Variants in TRERF1 observed in about 807,000 individuals in gnomAD.
TRERF1 encodes the protein transcriptional regulating factor 1.
Under a neutral mutation model 122.9 loss-of-function variants are expected in TRERF1, and 27 were observed. The observed-to-expected ratio is 0.22, with a 90% confidence interval of 0.16 to 0.30. The LOEUF (loss-of-function observed/expected upper bound fraction) is 0.30, where lower values mean the gene tolerates loss of function less well. Among genes scored for constraint, TRERF1 ranks in the 10% least tolerant of loss-of-function variants. The probability of loss-of-function intolerance (pLI) is 1.00; values close to 1 mark genes in which losing one functional copy is unlikely to be tolerated. For synonymous variants in TRERF1, 636 were observed against 641.7 expected (o/e 0.99, Z 0.13); for missense variants, 1,248 against 1,560.3 (o/e 0.80, Z 3.37).
At chr6:42,401,871 G>A (rs1296284103) in intron 2 of TRERF1, among the ~76,000 whole-genome samples, 1 of 152,162 alleles carries the variant, frequency 6.6e-6, no homozygotes, top group Non-Finnish European at 1.5e-5. Context: ...TTCTTGAAAA[G>A]AAAACCACCA....
intron 4 of TRERF1, among the ~76,000 whole-genome samples, chr6:42,290,489 G>A (rs1582846992): frequency 6.6e-6 from 1 of 152,052 alleles, no homozygotes; most frequent in Non-Finnish European, 1.5e-5. Flanking sequence ...CCAAGTGTGT[G>A]AGCACACACA....
At chr6:42,302,173 G>GA (rs1213294273) in intron 3 of TRERF1, among the ~76,000 whole-genome samples, 1 of 152,128 alleles carries the variant, frequency 6.6e-6, no homozygotes, top group African/African-American at 2.4e-5. Context: ...GGACATTTCA[G>GA]AAAATAAATC....
chr6:42,250,078 C>T (rs1170822778), intron 13 of TRERF1, among the ~76,000 whole-genome samples: 1 of 152,236 alleles, frequency 6.6e-6, no homozygotes, highest in Admixed American at 6.5e-5. Context: ...GCCACTTACT[C>T]CTTCTGTGAA....
intron 2 of TRERF1, among the ~76,000 whole-genome samples, chr6:42,436,113 A>T (rs566995217): frequency 5.3e-5 from 8 of 152,362 alleles, no homozygotes; most frequent in Non-Finnish European, 1.0e-4. Flanking sequence ...TCACGCCTGT[A>T]ATTCCAGCAC....
intron 12 of TRERF1, 125 bp downstream of exon 12, chr6:42,256,603 G>T: frequency 1.4e-6 from 1 of 736,906 alleles, no homozygotes; most frequent in Non-Finnish European, 2.4e-6. Context: ...ATAGGGAGGC[G>T]TGCTGATTGG....
chr6:42,434,668 CCACA>C (rs3075920), intron 2 of TRERF1, among the ~76,000 whole-genome samples: 6,669 of 114,842 alleles, frequency 0.058, 201 homozygotes, highest in Non-Finnish European at 0.077. Context: ...ACACCCTCCA[CCACA>C]CACACACACA....
At chr6:42,284,013 G>C (rs1395521851) in intron 4 of TRERF1, among the ~76,000 whole-genome samples, 1 of 152,118 alleles carries the variant, frequency 6.6e-6, no homozygotes, top group Admixed American at 6.6e-5. Context: ...TTTTGAGGCA[G>C]GGTCCAGAAC....
At chr6:42,405,087 C>T (rs1033953928) in intron 2 of TRERF1, among the ~76,000 whole-genome samples, 2 of 152,162 alleles carry the variant, frequency 1.3e-5, no homozygotes, top group African/African-American at 4.8e-5. Flanking sequence ...TTAATCTTCA[C>T]GGTAACCCTA....
At chr6:42,243,468 A>G (rs1202769259) in intron 14 of TRERF1, 107 bp from the exon 15 acceptor site, 1 of 761,590 alleles carries the variant, frequency 1.3e-6, no homozygotes, top group Non-Finnish European at 2.2e-6. Flanking sequence ...ACAAGTTTGT[A>G]CAGTTCAAGA....
At chr6:42,367,699 C>T (rs375431726) in intron 2 of TRERF1, among the ~76,000 whole-genome samples, 9 of 152,162 alleles carry the variant, frequency 5.9e-5, no homozygotes, top group Non-Finnish European at 1.0e-4. Flanking sequence ...TCTGCTCACC[C>T]CCTCCTGCTC....
intron 3 of TRERF1, among the ~76,000 whole-genome samples, chr6:42,328,011 T>C (rs1764600904): frequency 7.3e-6 from 1 of 137,708 alleles, no homozygotes; most frequent in South Asian, 2.6e-4. Context: ...TTTCTTTTTT[T>C]TTTTTTTTTT....
intron 2 of TRERF1, among the ~76,000 whole-genome samples, chr6:42,424,701 A>G (rs1481293385): frequency 1.3e-5 from 2 of 152,120 alleles, no homozygotes; most frequent in African/African-American, 4.8e-5. Context: ...CAGCTTCTTC[A>G]CGTTTGCCCA....
At position 42,228,341 on chromosome 6, in the gene TRERF1, G is replaced by A. The variant is rs764819948; in HGVS notation, c.*4C>T. Reference sequence around the variant, plus strand: ...TTCACTGTCTCTAAGTGACACACAGGGCTTTATAGTTCTGCGTCACCCTGA... The same window carrying A: ...TTCACTGTCTCTAAGTGACACACAGAGCTTTATAGTTCTGCGTCACCCTGA... On this transcript the variant is annotated 3_prime_UTR_variant, in exon 18 of 18. Transcript: ENST00000372922. This position sits in a 1 kb window ranked among gnomAD's most constrained non-coding sequence, Gnocchi z 4.2. The A allele has an allele frequency of 2.5e-6, 4 of 1,605,636 alleles. No homozygotes were observed. The highest frequency in any genetic ancestry group is 2.2e-5 in the South Asian group (2 of 90,124).
intron 5 of TRERF1, among the ~76,000 whole-genome samples, chr6:42,267,405 C>T (rs987474004): frequency 2.4e-4 from 37 of 152,204 alleles, no homozygotes; most frequent in African/African-American, 8.4e-4. Flanking sequence ...GTAAGGCAGG[C>T]GCATCATGAG....
chr6:42,442,227 A>G (rs1358696739), intron 2 of TRERF1, among the ~76,000 whole-genome samples: 1 of 152,072 alleles, frequency 6.6e-6, no homozygotes, highest in African/African-American at 2.4e-5. Flanking sequence ...ACTCCTATTA[A>G]AACTCCTTGG....
chr6:42,397,651 AT>A (rs1333890279), intron 2 of TRERF1, among the ~76,000 whole-genome samples: 1 of 152,156 alleles, frequency 6.6e-6, no homozygotes, highest in African/African-American at 2.4e-5. Flanking sequence ...TTATTTTCCA[AT>A]AAAAACCCCA....
intron 4 of TRERF1, among the ~76,000 whole-genome samples, chr6:42,277,810 G>T (rs561873128): frequency 4.6e-5 from 7 of 151,414 alleles, no homozygotes; most frequent in Non-Finnish European, 7.4e-5. Context: ...ACCACTGCAT[G>T]CTAGCCCTAT....
At chr6:42,280,493 A>G (rs1782117286) in intron 4 of TRERF1, among the ~76,000 whole-genome samples, 1 of 152,164 alleles carries the variant, frequency 6.6e-6, no homozygotes, top group African/African-American at 2.4e-5. Context: ...CTCCCCTGAC[A>G]GTGTGAGTGA....
exon 18 of TRERF1, chr6:42,226,305 G>A (rs1385271322): frequency 3.3e-5 from 5 of 152,188 alleles, no homozygotes; most frequent in Non-Finnish European, 7.3e-5. Flanking sequence ...CACTTTTCTG[G>A]ATGTTTGCTC....
Sources: gnomAD v4.1 joint callset for allele counts (sites outside exome capture counted in the v4.1 genomes callset) on GRCh38, gnomAD v4.1.1 for gene constraint, Gnocchi (gnomAD v3.1) non-coding constraint, MANE v1.5 for transcripts, NCBI Gene and HGNC (gene_info 2026-07-23, HGNC 2026-07-21) for gene names.